The following WSCD2 variants were observed in gnomAD, a reference collection of about 807,000 sequenced individuals.
The protein encoded by WSCD2 is WSC domain sialate O sulfotransferase 2, also known as sialate:O-sulfotransferase 2.
In WSCD2, 28 loss-of-function variants were observed where a neutral mutation model predicts 55.7. The observed-to-expected ratio is 0.50, with a 90% CI of 0.37 to 0.69. WSCD2 has a LOEUF of 0.69. Ranked by LOEUF, WSCD2 falls within the 30% of genes least tolerant of loss-of-function variation. WSCD2 has a pLI of 0.00. For synonymous variants in WSCD2, 301 were observed against 301.9 expected (o/e 1.00, Z 0.03); for missense variants, 616 against 762.1 (o/e 0.81, Z 2.26).
chr12:108,227,101 G>A lies in WSCD2; in HGVS notation c.916G>A (p.Ala306Thr), dbSNP rs7138767. Reference sequence around the variant, plus strand: ...GCAGCTCTGTGCCCAGAAGTGCAGCGCGGAGGAGTTTGAGAGCTGCGGGAC... The same window carrying A: ...GCAGCTCTGTGCCCAGAAGTGCAGCACGGAGGAGTTTGAGAGCTGCGGGAC... Reference protein sequence around the residue: ...DEQLCAQKCSAEEFESCGTPS... With the variant: ...DEQLCAQKCSTEEFESCGTPS... The change falls in exon 6 of 9, where the codon GCG becomes ACG. Residue 306 changes from alanine (A) to threonine (T), a missense_variant. Around this residue, in one of 3 missense-constraint regions of WSCD2, gnomAD observed 374 missense variants for 467.4 expected, o/e 0.80. Transcript: ENST00000547525. 865 of 1,614,212 alleles carry A rather than the reference G, an allele frequency of 5.4e-4. 3 individuals are homozygous for A. In the African/African-American group the frequency reaches 9.9e-3, roughly 18 times the overall value.
chr12:108,191,533 C>T (rs1883159347), intron 1 of WSCD2, among the ~76,000 whole-genome samples: 1 of 152,204 alleles, frequency 6.6e-6, no homozygotes, highest in African/African-American at 2.4e-5. Flanking sequence ...ATGCTACCTC[C>T]ACAGAGCCCT....
Position 108,232,787 on chromosome 12 carries a change from T to TTGGCCACAATGAGCTTCCCAGGTGC in WSCD2, c.1042_1043insCAATGAGCTTCCCAGGTGCTGGCCA (p.Ser348ThrfsTer23), listed in dbSNP as rs770223859. On this transcript the variant is annotated frameshift_variant, in exon 7 of 9. Transcript: ENST00000547525. LOFTEE classifies it high-confidence loss of function. ...AGGCAAGTCCAAGCAGCTCATTGCT[T>TTGGCCACAATGAGCTTCCCAGGTGC]TGGCCAGCTTCCCAGGTGCTGGCAA... 1 of 1,614,020 alleles carries TTGGCCACAATGAGCTTCCCAGGTGC rather than the reference T, an allele frequency of 6.2e-7. No individual in the cohort carries two copies.
At chr12:108,139,018 T>C (rs1000919283) in intron 1 of WSCD2, among the ~76,000 whole-genome samples, 1 of 152,170 alleles carries the variant, frequency 6.6e-6, no homozygotes, top group Non-Finnish European at 1.5e-5. Context: ...GACTGGTGCA[T>C]AGTAGACGCT....
intron 1 of WSCD2, chr12:108,131,964 C>G (rs1875572934): frequency 2.6e-5 from 4 of 152,288 alleles, no homozygotes; most frequent in Admixed American, 2.6e-4. Context: ...TGAGAACTAC[C>G]CCATGCTGGG....
At position 108,250,069 on chromosome 12, in the gene WSCD2, G is replaced by A. The variant is rs1373947632; in HGVS notation, c.*1726G>A. 1 of 152,342 alleles carries A rather than the reference G, an allele frequency of 6.6e-6. No homozygotes were observed. The highest frequency in any genetic ancestry group is 1.9e-4 in the East Asian group (1 of 5,200). The allele number at this position is 152,342 out of a possible 1,614,324, so 9.4% of individuals were successfully genotyped here. On this transcript the variant is annotated 3_prime_UTR_variant, in exon 9 of 9. Transcript: ENST00000547525. ...CTCTGACCACAAGCTTCTGCCTGAA[G>A]ATTCCTCAGGTCAACACCATCATTA...
intron 1 of WSCD2, among the ~76,000 whole-genome samples, chr12:108,188,012 T>C (rs1329949325): frequency 1.3e-5 from 2 of 152,222 alleles, no homozygotes; most frequent in East Asian, 3.8e-4. Context: ...AAAATTTTAA[T>C]ATTTATTTAT....
intron 6 of WSCD2, among the ~76,000 whole-genome samples, chr12:108,232,296 C>A (rs1888844389): frequency 6.6e-6 from 1 of 152,108 alleles, no homozygotes; most frequent in Admixed American, 6.6e-5. Flanking sequence ...GATTCTCTGG[C>A]TTTTCAGAGC....
intron 8 of WSCD2, chr12:108,244,447 G>A (rs1298985574): frequency 1.4e-6 from 1 of 698,884 alleles, no homozygotes; most frequent in African/African-American, 1.7e-5. Context: ...AGAGTCAGGA[G>A]ATACAGGAGG....
intron 1 of WSCD2, among the ~76,000 whole-genome samples, chr12:108,165,777 G>A (rs1360044042): frequency 6.6e-6 from 1 of 152,194 alleles, no homozygotes; most frequent in Non-Finnish European, 1.5e-5. Flanking sequence ...TATTTAGGAA[G>A]TTAACTTACC....
chr12:108,228,136 C>T (rs889935813), intron 6 of WSCD2, among the ~76,000 whole-genome samples: 2 of 152,128 alleles, frequency 1.3e-5, no homozygotes, highest in Non-Finnish European at 2.9e-5. Context: ...CAATAAAACC[C>T]GTTTCTCCTG....
At position 108,247,028 on chromosome 12, in the gene WSCD2, C is replaced by G. The variant is rs374420678; in HGVS notation, c.1346-963C>G. On this transcript the variant is annotated intron_variant, in intron 8 of 8. Transcript: ENST00000547525. ...CTAGAAACTTTGTTATATGTTTTTTCTACTTTGTACAAGAGCTCCATTATT... is the reference window on the plus strand; with the variant it reads ...CTAGAAACTTTGTTATATGTTTTTTGTACTTTGTACAAGAGCTCCATTATT... Among the ~76,000 whole-genome samples, 5 of 152,276 alleles carry G rather than the reference C, an allele frequency of 3.3e-5. No homozygotes were observed. In the East Asian group the frequency reaches 9.6e-4, roughly 29 times the overall value.
chr12:108,224,199 G>A (rs1414735217), intron 4 of WSCD2, among the ~76,000 whole-genome samples: 5 of 152,086 alleles, frequency 3.3e-5, no homozygotes, highest in African/African-American at 9.7e-5. Flanking sequence ...GCAGCTTGTC[G>A]GTGCCCAATA....
chr12:108,209,865 T>A lies in WSCD2; in HGVS notation c.498-256T>A, dbSNP rs182419647. Among the ~76,000 whole-genome samples, 99 of 151,968 alleles carry A rather than the reference T, an allele frequency of 6.5e-4. 1 individual carries two copies. Among genetic ancestry groups the A allele is most frequent in the Admixed American group, 1.5e-3 (23 of 15,290 alleles). On this transcript the variant is annotated intron_variant, in intron 3 of 8. Coordinates refer to ENST00000547525, the MANE Select transcript of WSCD2 (RefSeq NM_014653.4). ...CCTGTGTGCTACCTCCCTAATCTCA[T>A]TTATTTGGTGTCCCCCTGTCTCCCG...
chr12:108,214,749 G>A (rs1267604978), intron 4 of WSCD2, among the ~76,000 whole-genome samples: 2 of 152,222 alleles, frequency 1.3e-5, no homozygotes, highest in South Asian at 2.1e-4. Context: ...TCCCAGGGAT[G>A]TGTACTTTTT....
chr12:108,150,984 G>A (rs1877939655), intron 1 of WSCD2, among the ~76,000 whole-genome samples: 1 of 151,886 alleles, frequency 6.6e-6, no homozygotes, highest in African/African-American at 2.4e-5. Context: ...ATCTGAGCGT[G>A]AGCCCACGCC....
chr12:108,200,404 A>G lies in WSCD2; in HGVS notation c.382+4190A>G, dbSNP rs116715886. Reference sequence around the variant, plus strand: ...TCCAGCCCGATTTGATCAGAGTCCAAAGCCCTTATTCTTAACCACTGGACT... The same window carrying G: ...TCCAGCCCGATTTGATCAGAGTCCAGAGCCCTTATTCTTAACCACTGGACT... On this transcript the variant is annotated intron_variant, in intron 2 of 8. Coordinates refer to ENST00000547525, the MANE Select transcript of WSCD2 (RefSeq NM_014653.4). 2.9e-3 allele frequency among the ~76,000 whole-genome samples: 449 copies of G among 152,336 alleles called. 3 individuals carry two copies. Among genetic ancestry groups the G allele is most frequent in the African/African-American group, 0.011 (437 of 41,578 alleles).
intron 1 of WSCD2, among the ~76,000 whole-genome samples, chr12:108,136,214 C>G (rs1303104492): frequency 6.6e-6 from 1 of 151,506 alleles, no homozygotes; most frequent in Non-Finnish European, 1.5e-5. Context: ...GAGAGACAAC[C>G]CAAGGCCACA....
chr12:108,164,162 T>TTTTTTTTTTTTTTTTTTTC (rs1249949060), intron 1 of WSCD2, among the ~76,000 whole-genome samples: 4 of 144,558 alleles, frequency 2.8e-5, no homozygotes, highest in Admixed American at 6.9e-5. Flanking sequence ...TTTTTTTTTT[T>TTTTTTTTTTTTTTTTTTTC]CAGAGAGGGG....
Position 108,195,920 on chromosome 12 carries a change from G to C in WSCD2, c.88G>C (p.Gly30Arg). The change falls in exon 2 of 9, where the codon GGG becomes CGG. Residue 30 changes from glycine (G) to arginine (R), a missense_variant. This residue lies in a region of WSCD2 where 374 missense variants were observed against 467.4 expected (regional missense o/e 0.80). Coordinates refer to ENST00000547525, the MANE Select transcript of WSCD2 (RefSeq NM_014653.4). ...CTTCCTGGCACTCTACCTGACTGCT[G>C]GGAGCCTTGTCTTCCTTCACTCTGG... ...FTFLALYLTA[G>R]SLVFLHSGFV... The C allele has an allele frequency of 1.2e-6, 2 of 1,614,162 alleles. No individual in the cohort carries two copies. Among genetic ancestry groups the C allele is most frequent in the South Asian group, 2.2e-5 (2 of 91,076 alleles).
Sources: gnomAD v4.1 joint callset for allele counts (sites outside exome capture counted in the v4.1 genomes callset) on GRCh38, gnomAD v4.1.1 for gene constraint, gnomAD v4.1.1 regional missense constraint, MANE v1.5 for transcripts, NCBI Gene and HGNC (gene_info 2026-07-23, HGNC 2026-07-21) for gene names.